Variants in KLF12 observed in about 807,000 individuals in gnomAD.
The protein encoded by KLF12 is Krueppel-like factor 12.
In KLF12, 9 loss-of-function variants were observed where a neutral mutation model predicts 37.8. The observed-to-expected ratio is 0.24, with a 90% CI of 0.14 to 0.42. KLF12 has a LOEUF of 0.42. Ranked by LOEUF, KLF12 falls within the 10% of genes least tolerant of loss-of-function variation. The pLI is 1.00. For synonymous variants in KLF12, 208 were observed against 202.1 expected, an observed-to-expected ratio of 1.03 and a Z score of -0.25; for missense variants, 411 against 516.0, an observed-to-expected ratio of 0.80 and a Z score of 1.97.
chr13:73,890,888 A>T (rs1295998454), intron 3 of KLF12, among the ~76,000 whole-genome samples: 2 of 152,098 alleles, frequency 1.3e-5, no homozygotes, highest in Non-Finnish European at 2.9e-5. Context: ...AGTTCACTGG[A>T]GCCCTTGTGG....
the KLF12 span, among the ~76,000 whole-genome samples, chr13:74,229,380 G>A: frequency 2.6e-5 from 4 of 152,038 alleles, no homozygotes; most frequent in East Asian, 1.9e-4. Context: ...TTTATTATTC[G>A]TGGTTTTGAA....
At chr13:74,161,554 A>G in the KLF12 span, among the ~76,000 whole-genome samples, 2 of 152,188 alleles carry the variant, frequency 1.3e-5, no homozygotes, top group Non-Finnish European at 2.9e-5. Context: ...ATTCTCCCTC[A>G]GAACCTCCAG....
chr13:74,020,013 A>C (rs1892800802), intron 1 of KLF12, among the ~76,000 whole-genome samples: 1 of 152,252 alleles, frequency 6.6e-6, no homozygotes, highest in South Asian at 2.1e-4. Context: ...GGTGCTTGAC[A>C]AGCTGGGAAA....
intron 5 of KLF12, among the ~76,000 whole-genome samples, chr13:73,808,142 T>G (rs28690373): frequency 6.6e-6 from 1 of 152,040 alleles, no homozygotes; most frequent in Non-Finnish European, 1.5e-5. Context: ...ATAACTATGT[T>G]TGTCAAGTTG....
chr13:74,299,523 A>T, the KLF12 span, among the ~76,000 whole-genome samples: 1 of 152,222 alleles, frequency 6.6e-6, no homozygotes, highest in African/African-American at 2.4e-5. Context: ...TTTTCAAATA[A>T]TATCAACCTG....
chr13:73,862,490 T>C (rs1885980526), intron 3 of KLF12, among the ~76,000 whole-genome samples: 1 of 152,116 alleles, frequency 6.6e-6, no homozygotes, highest in Admixed American at 6.6e-5. Context: ...CAATACTAAC[T>C]CCCACATCTG....
chr13:74,179,382 T>C, the KLF12 span, among the ~76,000 whole-genome samples: 1 of 152,196 alleles, frequency 6.6e-6, no homozygotes, highest in African/African-American at 2.4e-5. Context: ...TCTTGGACAA[T>C]AGCATTGCAT....
intron 1 of KLF12, among the ~76,000 whole-genome samples, chr13:74,081,879 C>T (rs1566203257): frequency 6.6e-6 from 1 of 152,212 alleles, no homozygotes; most frequent in East Asian, 1.9e-4. Context: ...CATGTTCCAG[C>T]CCCCTCAAAC....
chr13:74,012,007 T>C (rs1892563053), intron 1 of KLF12, among the ~76,000 whole-genome samples: 1 of 151,812 alleles, frequency 6.6e-6, no homozygotes, highest in Non-Finnish European at 1.5e-5. Flanking sequence ...GGAATTTTCC[T>C]GGCCTTTAAC....
At chr13:73,812,872 AT>A (rs941969906) in intron 5 of KLF12, 7,800 of 241,682 alleles carry the variant, frequency 0.032, no homozygotes, top group East Asian at 0.061. Flanking sequence ...AAAAATAACA[AT>A]TTTTTTTTTT....
At chr13:74,254,190 T>G in the KLF12 span, among the ~76,000 whole-genome samples, 1 of 152,222 alleles carries the variant, frequency 6.6e-6, no homozygotes, top group Admixed American at 6.5e-5. Context: ...CTTTTAGTAG[T>G]GCTGTTGCTA....
chr13:74,170,284 C>T, the KLF12 span, among the ~76,000 whole-genome samples: 127 of 152,106 alleles, frequency 8.3e-4, 2 homozygotes, highest in South Asian at 0.019. Context: ...TGTCAGTGTC[C>T]GGAAATATAT....
At chr13:74,189,313 C>G in the KLF12 span, among the ~76,000 whole-genome samples, 1 of 152,084 alleles carries the variant, frequency 6.6e-6, no homozygotes, top group Non-Finnish European at 1.5e-5. Flanking sequence ...TGTAAGACAA[C>G]AGAACAAGAA....
chr13:74,015,289 A>G (rs1331880444), intron 1 of KLF12, among the ~76,000 whole-genome samples: 1 of 152,164 alleles, frequency 6.6e-6, no homozygotes, highest in Non-Finnish European at 1.5e-5. Flanking sequence ...CCACTAGGTT[A>G]TAAATTTGGT....
Position 73,965,333 on chromosome 13 carries a change from T to C in KLF12, c.34-21263A>G, listed in dbSNP as rs556783095. On this transcript the variant is annotated intron_variant, in intron 2 of 7. Transcript: ENST00000377669. ...TCAGACTAAAGACTTTGGGGCAAAA[T>C]ATTTTAATGTCAAGTCTCCATAAGA... 3.2e-4 allele frequency among the ~76,000 whole-genome samples: 48 copies of C among 152,280 alleles called. 1 individual carries two copies. In the South Asian group the frequency reaches 9.9e-3, roughly 32 times the overall value.
At chr13:74,187,145 C>A in the KLF12 span, among the ~76,000 whole-genome samples, 2 of 152,090 alleles carry the variant, frequency 1.3e-5, no homozygotes, top group Non-Finnish European at 2.9e-5. Flanking sequence ...CTGGGCAACA[C>A]TGCGAAACCC....
the KLF12 span, among the ~76,000 whole-genome samples, chr13:74,286,091 A>G: frequency 2.0e-5 from 3 of 152,236 alleles, no homozygotes; most frequent in Non-Finnish European, 4.4e-5. Flanking sequence ...ATAACTGAAG[A>G]TAAACATGAT....
chr13:74,303,113 C>T, the KLF12 span, among the ~76,000 whole-genome samples: 53 of 152,258 alleles, frequency 3.5e-4, no homozygotes, highest in Non-Finnish European at 6.3e-4. Flanking sequence ...GATGTATGGT[C>T]ATTCTTCCTT....
chr13:74,146,242 A>C, the KLF12 span, among the ~76,000 whole-genome samples: 1 of 152,214 alleles, frequency 6.6e-6, no homozygotes, highest in African/African-American at 2.4e-5. Flanking sequence ...AGGAATACAG[A>C]CTTTCCTGCC....
Sources: allele counts gnomAD v4.1 joint callset (sites outside exome capture counted in the v4.1 genomes callset), GRCh38; gene constraint gnomAD v4.1.1; transcripts MANE v1.5; gene names NCBI Gene and HGNC (gene_info 2026-07-23, HGNC 2026-07-21).